The following RUNX3 variants were observed in gnomAD, a reference collection of about 807,000 sequenced individuals.
RUNX3 encodes RUNX family transcription factor 3, also known as runt-related transcription factor 3.
In RUNX3, 10 loss-of-function variants were observed where a neutral mutation model predicts 27.7. That is an observed-to-expected ratio of 0.36 (90% CI 0.22 to 0.61). RUNX3 has a LOEUF of 0.61. RUNX3 is among the 20% of genes least tolerant of loss of function. RUNX3 has a pLI of 0.72. For synonymous variants in RUNX3, 270 were observed against 269.2 expected, an observed-to-expected ratio of 1.00 and a Z score of -0.03; for missense variants, 469 against 629.5, an observed-to-expected ratio of 0.75 and a Z score of 2.73.
chr1:24,912,568 G>T (rs1640816094), intron 3 of RUNX3, among the ~76,000 whole-genome samples: 1 of 152,114 alleles, frequency 6.6e-6, no homozygotes, highest in South Asian at 2.1e-4. Context: ...GCCAGCAGGA[G>T]TGGAAATCAT....
At chr1:24,953,198 C>T (rs1469031175) in intron 2 of RUNX3, among the ~76,000 whole-genome samples, 3 of 151,718 alleles carry the variant, frequency 2.0e-5, no homozygotes, top group Non-Finnish European at 2.9e-5. Flanking sequence ...AACCCCGTCT[C>T]TACTAAAAAT....
At chr1:24,926,303 G>A (rs981115751) in intron 2 of RUNX3, among the ~76,000 whole-genome samples, 1 of 152,234 alleles carries the variant, frequency 6.6e-6, no homozygotes, top group Non-Finnish European at 1.5e-5. Flanking sequence ...CTAATTAGGA[G>A]CAGCAATGAA....
rs1640684844 is a variant in RUNX3 at position 24,907,286 on chromosome 1, T to C, written c.676A>G (p.Ser226Gly). ...TGGATTGGGGTCTGGGGCTGGCTGC[T>C]GAAGTGGCTTGTGGTGCTGAGTGAG... ...RGSLSTTSHF[S>G]SQPQTPIQGT... The change falls in exon 4 of 5, where the codon AGC becomes GGC. Residue 226 changes from serine to glycine, a missense_variant. This residue lies in a region of RUNX3 where 279 missense variants were observed against 343.0 expected (regional missense o/e 0.81). Transcript: ENST00000308873. 1 of 1,612,210 alleles carries C rather than the reference T, an allele frequency of 6.2e-7. No individual in the cohort carries two copies. Among genetic ancestry groups the C allele is most frequent in the Non-Finnish European group, 8.5e-7 (1 of 1,180,002 alleles).
At chr1:24,963,950 C>G (rs565387011) in intron 2 of RUNX3, among the ~76,000 whole-genome samples, 1 of 152,242 alleles carries the variant, frequency 6.6e-6, no homozygotes, top group Non-Finnish European at 1.5e-5. Flanking sequence ...CCCCCTGCCC[C>G]GTGCAGGTCC....
At position 24,904,258 on chromosome 1, in the gene RUNX3, G is replaced by A. The variant is rs1333511588; in HGVS notation, c.704-1592C>T. 6.6e-6 allele frequency among the ~76,000 whole-genome samples: 1 copy of A among 152,230 alleles called. No homozygotes were observed. Among genetic ancestry groups the A allele is most frequent in the Non-Finnish European group, 1.5e-5 (1 of 68,032 alleles). ...GGACGGAGAGCTATGAGCCTGAGGT[G>A]TGTGTGACTTCGGCTGGGACTTGGA... is the stretch of plus-strand genomic sequence containing the variant. On this transcript the variant is annotated intron_variant, in intron 4 of 4. Transcript: ENST00000308873. This position sits in a 1 kb window ranked among gnomAD's most constrained non-coding sequence, Gnocchi z 5.7.
chr1:24,952,007 A>ATGAGC (rs1641779562), intron 2 of RUNX3, among the ~76,000 whole-genome samples: 2 of 152,212 alleles, frequency 1.3e-5, no homozygotes, highest in African/African-American at 2.4e-5. Context: ...GGTATGGAAA[A>ATGAGC]CACTTAGACA....
At chr1:24,907,589 C>T (rs1357299514) in intron 3 of RUNX3, among the ~76,000 whole-genome samples, 172 bp from the exon 4 acceptor site, 1 of 152,212 alleles carries the variant, frequency 6.6e-6, no homozygotes, top group Non-Finnish European at 1.5e-5. Context: ...ACTTTCTGAA[C>T]AGAGAATGGT....
Position 24,923,667 on chromosome 1 carries a change from C to T in RUNX3, c.439+3907G>A, listed in dbSNP as rs1360833194. ...TTCCTATGTGTATAAGGTCCCCGCC[C>T]CACCCACAGGAGCTGCATGGGTGGG... On this transcript the variant is annotated intron_variant, in intron 2 of 4. Coordinates refer to ENST00000308873, the MANE Select transcript of RUNX3 (RefSeq NM_004350.3). The surrounding 1 kb of genome is among the most constrained non-coding windows in gnomAD (Gnocchi z 5.9). Among the ~76,000 whole-genome samples, 10 of 152,088 alleles carry T rather than the reference C, an allele frequency of 6.6e-5. No homozygotes were observed. Among genetic ancestry groups the T allele is most frequent in the Admixed American group, 5.9e-4 (9 of 15,274 alleles).
rs1277097212 is a variant in RUNX3 at position 24,927,621 on chromosome 1, T to A, written c.392A>T (p.Gln131Leu). The A allele has an allele frequency of 2.5e-6, 4 of 1,614,204 alleles. No homozygotes were observed. Reference sequence around the variant, plus strand: ...GCGAAGGTCGTTGAACCTGGCCACCTGGTTCTTCATGACGGCCGAGGCATT... The same window carrying A: ...GCGAAGGTCGTTGAACCTGGCCACCAGGTTCTTCATGACGGCCGAGGCATT... ...LRNASAVMKN[Q>L]VARFNDLRFV... Residue 131 changes from glutamine to leucine, a missense_variant, in exon 2 of 5, where the codon CAG becomes CTG. Transcript: ENST00000308873. This position sits in a 1 kb window ranked among gnomAD's most constrained non-coding sequence, Gnocchi z 5.0.
At chr1:24,944,701 A>C (rs1180688221) in intron 2 of RUNX3, among the ~76,000 whole-genome samples, 1 of 152,080 alleles carries the variant, frequency 6.6e-6, no homozygotes, top group African/African-American at 2.4e-5. Context: ...GCGTGGGAAA[A>C]ACATGGCTCA....
chr1:24,934,199 A>G (rs2124320609), upstream of RUNX3, among the ~76,000 whole-genome samples: 1 of 152,346 alleles, frequency 6.6e-6, no homozygotes, highest in East Asian at 1.9e-4. Flanking sequence ...TGAATATATA[A>G]GCGAGAAATG....
intron 2 of RUNX3, among the ~76,000 whole-genome samples, chr1:24,957,101 G>A (rs10903117): frequency 0.72 from 110,247 of 152,222 alleles, 40,927 homozygotes; most frequent in African/African-American, 0.89. Context: ...AGTTATATGC[G>A]TCTGCCCTTT....
exon 1 of RUNX3, chr1:24,964,889 A>T: frequency 2.1e-6 from 1 of 466,334 alleles, no homozygotes; most frequent in Non-Finnish European, 3.8e-6. Context: ...AATTCTCAAC[A>T]GAAGCGTATG....
At chr1:24,908,109 GAC>G (rs1367784494) in intron 3 of RUNX3, among the ~76,000 whole-genome samples, 2 of 123,308 alleles carry the variant, frequency 1.6e-5, no homozygotes. Flanking sequence ...GAACCTCTAC[GAC>G]ACGCGGTGAT....
chr1:24,946,406 T>C (rs1342648309), intron 2 of RUNX3, among the ~76,000 whole-genome samples: 1 of 151,162 alleles, frequency 6.6e-6, no homozygotes, highest in African/African-American at 2.4e-5. Context: ...TCCTTCCTTT[T>C]TTTTTTGAGT....
chr1:24,956,769 T>C (rs1641940452), intron 2 of RUNX3, among the ~76,000 whole-genome samples: 1 of 152,172 alleles, frequency 6.6e-6, no homozygotes, highest in Admixed American at 6.5e-5. Flanking sequence ...CAAGTTGGGT[T>C]TGGGAATAGG....
intron 3 of RUNX3, among the ~76,000 whole-genome samples, chr1:24,911,932 G>A (rs1299459905): frequency 1.7e-4 from 26 of 152,230 alleles, no homozygotes; most frequent in Non-Finnish European, 8.8e-5. Flanking sequence ...ACAGCACTTC[G>A]GAAATAGCTT....
chr1:24,908,617 T>C (rs962544), intron 3 of RUNX3, among the ~76,000 whole-genome samples: 78,371 of 152,046 alleles, frequency 0.52, 21,442 homozygotes, highest in African/African-American at 0.71. Flanking sequence ...AGTGAGCTGA[T>C]TGTACCACTG....
exon 2 of RUNX3, chr1:24,964,590 C>T (rs376833515): frequency 6.7e-5 from 108 of 1,603,886 alleles, no homozygotes; most frequent in Admixed American, 1.0e-4. Context: ...CTGAAGAAGG[C>T]GAGAATTTTC....
Sources: allele counts gnomAD v4.1 joint callset (sites outside exome capture counted in the v4.1 genomes callset), GRCh38; gene constraint gnomAD v4.1.1; regional missense constraint gnomAD v4.1.1; non-coding constraint Gnocchi (gnomAD v3.1); transcripts MANE v1.5; gene names NCBI Gene and HGNC (gene_info 2026-07-23, HGNC 2026-07-21).